PTPRA: variants seen among roughly 807,000 people sequenced by gnomAD.
PTPRA encodes the protein protein tyrosine phosphatase receptor type A, also known as receptor-type tyrosine-protein phosphatase alpha.
Under a neutral mutation model 104.8 loss-of-function variants are expected in PTPRA, and 25 were observed. The observed-to-expected ratio is 0.24, with a 90% CI of 0.17 to 0.33. PTPRA has a LOEUF of 0.33. Ranked by LOEUF, PTPRA falls within the 10% of genes least tolerant of loss-of-function variation. PTPRA has a pLI of 1.00. For synonymous variants in PTPRA, 323 were observed against 368.9 expected (o/e 0.88, Z 1.43); for missense variants, 765 against 1,015.3 (o/e 0.75, Z 3.35).
intron 1 of PTPRA, among the ~76,000 whole-genome samples, chr20:2,914,121 G>A (rs993623654): frequency 3.3e-4 from 50 of 152,150 alleles, no homozygotes; most frequent in African/African-American, 1.2e-3. Context: ...TTTGGTCAGT[G>A]GAAACCCTGT....
chr20:2,948,308 G>A (rs1957258886), intron 3 of PTPRA, among the ~76,000 whole-genome samples: 1 of 152,146 alleles, frequency 6.6e-6, no homozygotes, highest in African/African-American at 2.4e-5. Flanking sequence ...TACCTACTAT[G>A]TTATTCCCAC....
At chr20:3,031,040 G>T (rs2065429376) in intron 20 of PTPRA, among the ~76,000 whole-genome samples, 1 of 152,100 alleles carries the variant, frequency 6.6e-6, no homozygotes, top group Admixed American at 6.6e-5. Flanking sequence ...CTCAGCAGCT[G>T]CAGCTTGGAC....
At chr20:2,964,424 AC>A in intron 4 of PTPRA, 74 bp downstream of exon 4, 1 of 1,222,214 alleles carries the variant, frequency 8.2e-7, no homozygotes, top group Non-Finnish European at 1.2e-6. Flanking sequence ...ACATTTGAAA[AC>A]CGAGATGGTA....
rs1259056326 is a variant in PTPRA, at chr20:2,987,791, A to G, written c.528-241A>G. 4 of 585,744 alleles carry G rather than the reference A, an allele frequency of 6.8e-6. No individual in the cohort carries two copies. The African/African-American group carries it at 7.3e-5, about 11-fold the overall frequency. The allele number at this position is 585,744 out of a possible 1,614,324, so 36.3% of individuals were successfully genotyped here. A position where few individuals can be genotyped will look rare whatever the true frequency, so the allele number is the denominator to read the frequency against. ...CTCTGCAGTGAGCCACATGAGCCTGAATATACTGTTGGGGTTCCCTGGTTG... is the reference window on the plus strand; with the variant it reads ...CTCTGCAGTGAGCCACATGAGCCTGGATATACTGTTGGGGTTCCCTGGTTG... On this transcript the variant is annotated intron_variant, in intron 7 of 23. Coordinates refer to ENST00000399903, the MANE Select transcript of PTPRA (RefSeq NM_001385305.1).
Position 3,038,099 on chromosome 20 carries a change from T to C in PTPRA, c.2375T>C (p.Ile792Thr). 3 of 1,613,606 alleles carry C rather than the reference T, an allele frequency of 1.9e-6. No homozygotes were observed. Among genetic ancestry groups the C allele is most frequent in the Non-Finnish European group, 2.5e-6 (3 of 1,179,468 alleles). Residue 792 changes from isoleucine (I) to threonine (T), a missense_variant, in exon 24 of 24, where the codon ATT (isoleucine) becomes ACT (threonine). Transcript: ENST00000399903. ...TGCTACAAGGTGGTGCAGGAGTATA[T>C]TGATGCATTCTCAGATTATGCCAAC... The part of the protein sequence containing the change: ...EFCYKVVQEY[I>T]DAFSDYANFK
chr20:2,989,452 G>A (rs576464255), intron 9 of PTPRA, among the ~76,000 whole-genome samples: 1 of 152,006 alleles, frequency 6.6e-6, no homozygotes, highest in African/African-American at 2.4e-5. Flanking sequence ...GAGCTTCCTC[G>A]AATAAATGAT....
intron 6 of PTPRA, among the ~76,000 whole-genome samples, chr20:2,981,423 G>A (rs1351346340): frequency 1.3e-5 from 2 of 152,126 alleles, no homozygotes; most frequent in African/African-American, 4.8e-5. Context: ...AATGCTTGGA[G>A]ATACTTTTGG....
rs550108387 is a variant in PTPRA, at chr20:2,993,319, T to C, written c.738+4845T>C. On this transcript the variant is annotated intron_variant, in intron 9 of 23. Coordinates refer to ENST00000399903, the MANE Select transcript of PTPRA (RefSeq NM_001385305.1). ...CTGCAGGCCTTTGACTTTCAGAAAATTTGGCTGAGGTGGCAGGCCACTGTA... is the reference window on the plus strand; with the variant it reads ...CTGCAGGCCTTTGACTTTCAGAAAACTTGGCTGAGGTGGCAGGCCACTGTA... Among the ~76,000 whole-genome samples, 14 of 152,166 alleles carry C rather than the reference T, an allele frequency of 9.2e-5. 1 individual carries two copies. The East Asian group carries it at 2.5e-3, about 27-fold the overall frequency.
At chr20:2,889,095 A>G (rs1273529570) in intron 1 of PTPRA, among the ~76,000 whole-genome samples, 1 of 152,210 alleles carries the variant, frequency 6.6e-6, no homozygotes, top group African/African-American at 2.4e-5. Context: ...AAGTTTTTTG[A>G]TGTGGGAAAA....
intron 5 of PTPRA, among the ~76,000 whole-genome samples, chr20:2,968,116 C>CT (rs1217648310): frequency 6.6e-6 from 1 of 152,116 alleles, no homozygotes; most frequent in Non-Finnish European, 1.5e-5. Flanking sequence ...TATTGTCTTC[C>CT]TTTTTGTCTT....
chr20:2,937,014 T>C (rs1259431753), intron 2 of PTPRA, among the ~76,000 whole-genome samples: 1 of 152,140 alleles, frequency 6.6e-6, no homozygotes, highest in Non-Finnish European at 1.5e-5. Context: ...GCTCTAGGAA[T>C]ATATATGTAG....
intron 1 of PTPRA, among the ~76,000 whole-genome samples, chr20:2,896,897 A>C: frequency 6.6e-6 from 1 of 152,176 alleles, no homozygotes; most frequent in East Asian, 1.9e-4. Context: ...TTTAATCTAG[A>C]ATAGTTCTCA....
At chr20:2,866,560 G>A in the PTPRA span, 1 of 1,614,178 alleles carries the variant, frequency 6.2e-7, no homozygotes, top group East Asian at 2.2e-5. Context: ...CAGGGCACAA[G>A]CCCAGAAGAA....
intron 20 of PTPRA, among the ~76,000 whole-genome samples, chr20:3,033,720 G>C (rs2065644683): frequency 6.6e-6 from 1 of 151,850 alleles, no homozygotes; most frequent in South Asian, 2.1e-4. Context: ...TGACCAACAT[G>C]GAGAAACCCC....
chr20:2,899,588 A>G (rs1448999189), intron 1 of PTPRA, among the ~76,000 whole-genome samples: 2 of 152,200 alleles, frequency 1.3e-5, no homozygotes, highest in Non-Finnish European at 2.9e-5. Flanking sequence ...CAGAGATGGT[A>G]TGAATGTAAA....
At chr20:2,915,565 G>T (rs1182266268) in intron 1 of PTPRA, among the ~76,000 whole-genome samples, 1 of 152,032 alleles carries the variant, frequency 6.6e-6, no homozygotes, top group Non-Finnish European at 1.5e-5. Context: ...GCATCCCATA[G>T]GTTGTCTTTC....
chr20:3,010,416 C>G (rs2064106593), intron 11 of PTPRA, among the ~76,000 whole-genome samples: 1 of 151,710 alleles, frequency 6.6e-6, no homozygotes, highest in African/African-American at 2.4e-5. Flanking sequence ...ATCACAAGGT[C>G]AGGAGATCGA....
chr20:2,907,040 G>A (rs376105392), intron 1 of PTPRA, among the ~76,000 whole-genome samples: 6 of 152,036 alleles, frequency 3.9e-5, no homozygotes, highest in African/African-American at 1.4e-4. Flanking sequence ...AATTTGTTTG[G>A]GAATGGAGAT....
At chr20:2,885,995 C>T (rs1038672111) in intron 1 of PTPRA, among the ~76,000 whole-genome samples, 7 of 152,136 alleles carry the variant, frequency 4.6e-5, no homozygotes, top group African/African-American at 7.2e-5. Context: ...ACCCAGGAGG[C>T]GGAGGTTGCA....
Sources: allele counts gnomAD v4.1 joint callset (sites outside exome capture counted in the v4.1 genomes callset), GRCh38; gene constraint gnomAD v4.1.1; transcripts MANE v1.5; gene names NCBI Gene and HGNC (gene_info 2026-07-23, HGNC 2026-07-21).